The following TECPR2 variants were observed in gnomAD, a reference collection of about 807,000 sequenced individuals.
TECPR2 encodes the protein tectonin beta-propeller repeat-containing protein 2.
Under a neutral mutation model 138.1 loss-of-function variants are expected in TECPR2, and 65 were observed. That is an observed-to-expected ratio of 0.47 (90% CI 0.39 to 0.58). TECPR2 has a LOEUF of 0.58. Ranked by LOEUF, TECPR2 falls within the 20% of genes least tolerant of loss-of-function variation. The pLI is 0.00. For missense variants in TECPR2, 1,553 were observed against 1,824.5 expected (o/e 0.85, Z 2.71); for synonymous variants, 746 against 749.8 (o/e 0.99, Z 0.08).
At chr14:102,452,845 G>A (rs1890181805) in intron 16 of TECPR2, among the ~76,000 whole-genome samples, 4 of 152,214 alleles carry the variant, frequency 2.6e-5, no homozygotes, top group Admixed American at 2.0e-4. Flanking sequence ...AGTTTGCAGG[G>A]CTGTCAGAAC....
chr14:102,455,231 A>T (rs1648924849), intron 16 of TECPR2, among the ~76,000 whole-genome samples: 1 of 152,060 alleles, frequency 6.6e-6, no homozygotes, highest in Admixed American at 6.6e-5. Flanking sequence ...GTCGCTGTGG[A>T]TGGGCAGGTT....
chr14:102,441,591 G>A (rs1157559492), intron 11 of TECPR2, among the ~76,000 whole-genome samples: 1 of 151,992 alleles, frequency 6.6e-6, no homozygotes, highest in African/African-American at 2.4e-5. Flanking sequence ...TTGGGAGCCT[G>A]AGGCACAAGA....
Position 102,435,297 on chromosome 14 carries a change from T to C in TECPR2, c.2394+86T>C, listed in dbSNP as rs567060427. 2.9e-5 allele frequency: 43 copies of C among 1,485,162 alleles called. No individual in the cohort carries two copies. The African/African-American group carries it at 5.7e-4, about 20-fold the overall frequency. 92.0% of individuals were successfully genotyped at this position (1,485,162 alleles called of 1,614,324 possible). A position where few individuals can be genotyped will look rare whatever the true frequency, so the allele number is the denominator to read the frequency against. The stretch of plus-strand genomic sequence containing the variant: ...TCAAGACTGATTATTTTCCTTCTCA[T>C]GGAAAGAAATTCTATTCCTACTGCA... On this transcript the variant is annotated intron_variant, in intron 9 of 19. Coordinates refer to ENST00000359520, the MANE Select transcript of TECPR2 (RefSeq NM_014844.5).
chr14:102,393,407 T>G (rs1230365908), intron 2 of TECPR2, among the ~76,000 whole-genome samples: 1 of 152,308 alleles, frequency 6.6e-6, no homozygotes, highest in East Asian at 1.9e-4. Flanking sequence ...GATTCTTACA[T>G]CAATAACTAT....
At chr14:102,400,860 C>T (rs568551757) in intron 2 of TECPR2, among the ~76,000 whole-genome samples, 30 of 151,014 alleles carry the variant, frequency 2.0e-4, no homozygotes, top group Non-Finnish European at 3.1e-4. Context: ...GGTGTAACCC[C>T]GTCTCTACTA....
intron 2 of TECPR2, among the ~76,000 whole-genome samples, chr14:102,393,075 A>G (rs913444388): frequency 4.6e-5 from 7 of 152,100 alleles, no homozygotes; most frequent in Non-Finnish European, 5.9e-5. Context: ...CCAGCTCCCC[A>G]TCATCTACTC....
chr14:102,428,473 C>T (rs1889387319), intron 7 of TECPR2, 91 bp downstream of exon 7: 14 of 1,568,806 alleles, frequency 8.9e-6, no homozygotes, highest in Non-Finnish European at 1.1e-5. Flanking sequence ...ATCAAACTTA[C>T]CATTGGGCCA....
chr14:102,431,031 T>C (rs1889457528), intron 7 of TECPR2, among the ~76,000 whole-genome samples: 1 of 147,656 alleles, frequency 6.8e-6, no homozygotes, highest in African/African-American at 2.5e-5. Flanking sequence ...TTACTTTTTT[T>C]TTTTTTTTTT....
intron 18 of TECPR2, 75 bp from the exon 19 acceptor site, chr14:102,497,495 A>G: frequency 6.4e-6 from 9 of 1,411,758 alleles, no homozygotes; most frequent in Non-Finnish European, 8.3e-6. Context: ...GTGCAGCGTC[A>G]CAAGAGTCGG....
At chr14:102,497,333 C>A (rs1891311358) in intron 18 of TECPR2, among the ~76,000 whole-genome samples, 1 of 152,146 alleles carries the variant, frequency 6.6e-6, no homozygotes, top group Non-Finnish European at 1.5e-5. Context: ...TGTGGGAGGG[C>A]AGTTTGCACA....
At chr14:102,458,516 G>A (rs1368466116) in intron 16 of TECPR2, among the ~76,000 whole-genome samples, 5 of 152,106 alleles carry the variant, frequency 3.3e-5, no homozygotes, top group African/African-American at 9.7e-5. Context: ...CTGCTGTTCC[G>A]AGGCCTCGTG....
In TECPR2 at chr14:102,497,623, C is replaced by G. The variant is rs752102219; in HGVS notation, c.3985C>G (p.Pro1329Ala). ...LSTRTVWARC[P>A]NGDLARRYGV... ...CACCAGGACCGTGTGGGCCCGCTGT[C>G]CAAACGGAGACCTCGCCCGGCGGTA... Residue 1329 changes from proline (P) to alanine (A), a missense_variant, in exon 19 of 20, where the codon CCA (proline) becomes GCA (alanine). Transcript: ENST00000359520. The G allele has an allele frequency of 6.2e-7, 1 of 1,609,432 alleles. No individual in the cohort carries two copies. The highest frequency in any genetic ancestry group is 2.2e-5 in the East Asian group (1 of 44,628).
At chr14:102,494,535 A>G (rs2139800460) in intron 17 of TECPR2, among the ~76,000 whole-genome samples, 1 of 150,932 alleles carries the variant, frequency 6.6e-6, no homozygotes, top group Middle Eastern at 3.5e-3. Context: ...ACTCAAAAAA[A>G]AACTAGCTCG....
rs1567344022 is a variant in TECPR2, at chr14:102,443,298, T to G, written c.2753-349T>G. ...AGTTTTCAAAGAGTGTCTAAAACTG[T>G]TTTCAGATAGATGTTACATTTAGGC... On this transcript the variant is annotated intron_variant, in intron 11 of 19. Coordinates refer to ENST00000359520, the MANE Select transcript of TECPR2 (RefSeq NM_014844.5). This position sits in a 1 kb window ranked among gnomAD's most constrained non-coding sequence, Gnocchi z 4.9. 1.3e-5 allele frequency among the ~76,000 whole-genome samples: 2 copies of G among 152,194 alleles called. No homozygotes were observed. Among genetic ancestry groups the G allele is most frequent in the Non-Finnish European group, 2.9e-5 (2 of 68,028 alleles).
intron 2 of TECPR2, among the ~76,000 whole-genome samples, chr14:102,383,093 T>A (rs981702523): frequency 1.3e-5 from 2 of 152,152 alleles, no homozygotes; most frequent in Non-Finnish European, 2.9e-5. Context: ...TGAATTTATA[T>A]GTGTATGCCT....
intron 17 of TECPR2, among the ~76,000 whole-genome samples, chr14:102,480,080 C>G (rs571178090): frequency 3.3e-5 from 5 of 152,270 alleles, no homozygotes; most frequent in Admixed American, 6.5e-5. Flanking sequence ...CTTTCATTTT[C>G]CTATCAGTAA....
At chr14:102,391,493 C>G (rs1399289944) in intron 2 of TECPR2, among the ~76,000 whole-genome samples, 2 of 152,144 alleles carry the variant, frequency 1.3e-5, no homozygotes, top group African/African-American at 4.8e-5. Flanking sequence ...CACACAAGAG[C>G]TTCAAAGGTG....
chr14:102,470,826 T>G (rs1890639903), intron 17 of TECPR2, among the ~76,000 whole-genome samples: 1 of 149,856 alleles, frequency 6.7e-6, no homozygotes, highest in African/African-American at 2.4e-5. Flanking sequence ...TTGTGTTTTT[T>G]TTTTTTTTTT....
intron 16 of TECPR2, among the ~76,000 whole-genome samples, chr14:102,463,290 G>C (rs545520349): frequency 1.8e-4 from 28 of 151,846 alleles, no homozygotes; most frequent in African/African-American, 6.5e-4. Context: ...GGTGGCAGGT[G>C]CCTGTAATCC....
Sources: allele counts gnomAD v4.1 joint callset (sites outside exome capture counted in the v4.1 genomes callset), GRCh38; gene constraint gnomAD v4.1.1; non-coding constraint Gnocchi (gnomAD v3.1); transcripts MANE v1.5; gene names NCBI Gene and HGNC (gene_info 2026-07-23, HGNC 2026-07-21).